ADAMTS20: variants seen among roughly 807,000 people sequenced by gnomAD.
ADAMTS20 encodes A disintegrin and metalloproteinase with thrombospondin motifs 20.
Under a neutral mutation model 260.1 loss-of-function variants are expected in ADAMTS20, and 225 were observed. That is an observed-to-expected ratio of 0.87 (90% CI 0.78 to 0.97). The LOEUF (loss-of-function observed/expected upper bound fraction) is 0.97. ADAMTS20 is among the 50% of genes least tolerant of loss of function. The pLI, the probability that ADAMTS20 is intolerant of heterozygous loss-of-function variation, is 0.00. For synonymous variants in ADAMTS20, 802 were observed against 769.5 expected, an observed-to-expected ratio of 1.04 and a Z score of -0.70; for missense variants, 2,400 against 2,337.7, an observed-to-expected ratio of 1.03 and a Z score of -0.55.
At chr12:43,369,504 T>G (rs1017525178) in intron 36 of ADAMTS20, 123 bp from the exon 37 acceptor site, 1 of 365,286 alleles carries the variant, frequency 2.7e-6, no homozygotes, top group Non-Finnish European at 4.5e-6. Flanking sequence ...TTTTAAAATT[T>G]TAAGCACAAA....
chr12:43,431,629 A>C, intron 21 of ADAMTS20, 133 bp from the exon 22 acceptor site: 1 of 1,028,798 alleles, frequency 9.7e-7, no homozygotes, highest in Admixed American at 2.1e-5. Context: ...CCCTCACTCC[A>C]CCAGAGATAT....
At chr12:43,531,611 T>G (rs1467750647) in intron 3 of ADAMTS20, among the ~76,000 whole-genome samples, 2 of 152,124 alleles carry the variant, frequency 1.3e-5, no homozygotes, top group African/African-American at 2.4e-5. Context: ...AAGAGTGGAA[T>G]GGTGGTTACC....
intron 7 of ADAMTS20, among the ~76,000 whole-genome samples, chr12:43,482,666 C>G: frequency 6.6e-6 from 1 of 152,212 alleles, no homozygotes; most frequent in South Asian, 2.1e-4. Flanking sequence ...GACCCATCCC[C>G]AACCTAGCTT....
chr12:43,471,978 T>C (rs1942271454), intron 7 of ADAMTS20, among the ~76,000 whole-genome samples: 1 of 151,576 alleles, frequency 6.6e-6, no homozygotes, highest in Admixed American at 6.6e-5. Flanking sequence ...GGAACAAAGC[T>C]GGATGGAGAA....
In ADAMTS20 at chr12:43,432,543, T is replaced by C. The variant is rs1941466862; in HGVS notation, c.2931+58A>G. The stretch of plus-strand genomic sequence containing the variant: ...AACAAAATTATACTTCAGAGTAACA[T>C]AAATACGTAATTAGAAAGAAAGGGG... On this transcript the variant is annotated intron_variant, in intron 20 of 38. Coordinates refer to ENST00000389420, the MANE Select transcript of ADAMTS20 (RefSeq NM_025003.5). 5.6e-6 allele frequency: 9 copies of C among 1,604,408 alleles called. No homozygotes were observed. The South Asian group carries it at 8.9e-5, about 16-fold the overall frequency.
intron 4 of ADAMTS20, among the ~76,000 whole-genome samples, chr12:43,497,666 T>C (rs942008406): frequency 6.6e-6 from 1 of 152,114 alleles, no homozygotes; most frequent in Non-Finnish European, 1.5e-5. Context: ...TAGTTAAAAA[T>C]CTTCCCCATC....
Position 43,551,017 on chromosome 12 carries a change from C to T in ADAMTS20, c.345G>A (p.Gly115=). ...AGGGCCCTGCGTCGCTCTCCCAGGC[C>T]CCGCGCTCCGGGGTTCCCAAGTGCA... The part of the protein sequence containing the change: ...TEVHLGTPER[G]AWESDAGPSD... Residue 115 remains glycine, a synonymous_variant, in exon 2 of 39, where the codon GGG becomes GGA. Coordinates refer to ENST00000389420, the MANE Select transcript of ADAMTS20 (RefSeq NM_025003.5). This position sits in a 1 kb window ranked among gnomAD's most constrained non-coding sequence, Gnocchi z 4.6. The T allele has an allele frequency of 6.2e-7, 1 of 1,613,736 alleles. No homozygotes were observed.
Position 43,551,948 on chromosome 12 carries a change from G to A in ADAMTS20, c.-27C>T. 1.2e-6 allele frequency: 2 copies of A among 1,606,706 alleles called. No individual in the cohort carries two copies. The highest frequency in any genetic ancestry group is 1.7e-6 in the Non-Finnish European group (2 of 1,174,538). On this transcript the variant is annotated 5_prime_UTR_variant, in exon 1 of 39. Transcript: ENST00000389420. This position sits in a 1 kb window ranked among gnomAD's most constrained non-coding sequence, Gnocchi z 4.6. ...GTTCCACCCTGGGGACCCCGATCGG[G>A]GAGGCCCACCAGAGCCGCCGGCAGC...
intron 7 of ADAMTS20, among the ~76,000 whole-genome samples, chr12:43,470,144 C>CA (rs1942227420): frequency 6.6e-6 from 1 of 152,136 alleles, no homozygotes; most frequent in African/African-American, 2.4e-5. Context: ...CTTGCATGTT[C>CA]AGTTGTTTAG....
At chr12:43,359,462 C>T (rs1463237760) in intron 37 of ADAMTS20, among the ~76,000 whole-genome samples, 2 of 152,220 alleles carry the variant, frequency 1.3e-5, no homozygotes, top group Non-Finnish European at 2.9e-5. Flanking sequence ...AATACCAATA[C>T]AAATTTTCCA....
At chr12:43,520,448 G>C (rs758718854) in intron 3 of ADAMTS20, among the ~76,000 whole-genome samples, 26 of 152,120 alleles carry the variant, frequency 1.7e-4, no homozygotes, top group Non-Finnish European at 3.1e-4. Context: ...AGGGAAGTGG[G>C]AGGAAAGAAA....
chr12:43,373,009 G>C (rs1348061668), intron 36 of ADAMTS20, among the ~76,000 whole-genome samples: 1 of 152,232 alleles, frequency 6.6e-6, no homozygotes, highest in Non-Finnish European at 1.5e-5. Flanking sequence ...GACTAGGGAA[G>C]TGCAGTAGGA....
Position 43,462,937 on chromosome 12 carries a change from T to C in ADAMTS20, c.1572A>G (p.Gln524=). ...TEKLHKGCFT[Q]HVPPADGTDC... ...CTGTTCCATCTGCTGGTGGCACGTGTTGAGTGAAACAGCCTTTGTGAAGCT... is the reference window on the plus strand; with the variant it reads ...CTGTTCCATCTGCTGGTGGCACGTGCTGAGTGAAACAGCCTTTGTGAAGCT... The change falls in exon 11 of 39, where the codon CAA becomes CAG. Residue 524 remains glutamine, a synonymous_variant. Transcript: ENST00000389420. 1 of 1,609,806 alleles carries C rather than the reference T, an allele frequency of 6.2e-7. No individual in the cohort carries two copies. Among genetic ancestry groups the C allele is most frequent in the Non-Finnish European group, 8.5e-7 (1 of 1,177,910 alleles).
At chr12:43,380,865 C>T (rs746801145) in intron 31 of ADAMTS20, among the ~76,000 whole-genome samples, 15 of 152,050 alleles carry the variant, frequency 9.9e-5, no homozygotes, top group Non-Finnish European at 2.2e-4. Flanking sequence ...CTGGCTCTTA[C>T]ATAGAACTTG....
intron 28 of ADAMTS20, among the ~76,000 whole-genome samples, chr12:43,411,095 A>G (rs1941022751): frequency 6.6e-6 from 1 of 152,222 alleles, no homozygotes; most frequent in Admixed American, 6.5e-5. Flanking sequence ...TATATACAGT[A>G]TTTATGAACT....
intron 36 of ADAMTS20, among the ~76,000 whole-genome samples, chr12:43,370,544 G>A (rs2137201142): frequency 6.6e-6 from 1 of 152,276 alleles, no homozygotes; most frequent in African/African-American, 2.4e-5. Context: ...TCAGTCAACA[G>A]CCAGTTTCAT....
chr12:43,433,672 C>T (rs1445147126), intron 19 of ADAMTS20: 2 of 321,660 alleles, frequency 6.2e-6, no homozygotes, highest in African/African-American at 4.7e-5. Flanking sequence ...CACTACAAGA[C>T]CAATCACGCA....
In ADAMTS20 at chr12:43,492,611, A is replaced by G. The variant is rs1942619999; in HGVS notation, c.970T>C (p.Phe324Leu). The G allele has an allele frequency of 1.2e-6, 2 of 1,613,708 alleles. No homozygotes were observed. Among genetic ancestry groups the G allele is most frequent in the Non-Finnish European group, 1.7e-6 (2 of 1,179,834 alleles). ...HREEEGPVIN[F>L]DGATTLKNFC... ...TTCTTTAATGTGGTAGCACCATCAA[A>G]ATTAATGACTGGTCCTTCCTATGCA... The change falls in exon 6 of 39, where the codon TTT (phenylalanine) becomes CTT (leucine). Residue 324 changes from phenylalanine to leucine, a missense_variant. Coordinates refer to ENST00000389420, the MANE Select transcript of ADAMTS20 (RefSeq NM_025003.5).
At position 43,377,528 on chromosome 12, in the gene ADAMTS20, C is replaced by T. The variant is rs561936298; in HGVS notation, c.4832G>A (p.Arg1611Lys). The change falls in exon 32 of 39, where the codon AGG (arginine) becomes AAG (lysine). Residue 1611 changes from arginine to lysine, a missense_variant. Physicochemically the swap from Arg to Lys is conservative, Grantham distance 26 (BLOSUM62 2). Coordinates refer to ENST00000389420, the MANE Select transcript of ADAMTS20 (RefSeq NM_025003.5). ...TGGGATCTCGGTGCAATATGTAATC[C>T]TTTGTCTGTAACTAAATCCACAGTT... is the stretch of plus-strand genomic sequence containing the variant. ...ANNCGFSYRQ[R>K]ITYCTEIPST... is the part of the protein sequence containing the mutation. 3 of 1,612,640 alleles carry T rather than the reference C, an allele frequency of 1.9e-6. No individual in the cohort carries two copies. In the South Asian group the frequency reaches 3.3e-5, roughly 18 times the overall value.
Sources: gnomAD v4.1 joint callset for allele counts (sites outside exome capture counted in the v4.1 genomes callset) on GRCh38, gnomAD v4.1.1 for gene constraint, Gnocchi (gnomAD v3.1) non-coding constraint, MANE v1.5 for transcripts, NCBI Gene and HGNC (gene_info 2026-07-23, HGNC 2026-07-21) for gene names.